Variants in ATRNL1 observed in about 807,000 individuals in gnomAD.
ATRNL1 encodes the protein attractin like 1, also known as attractin-like protein 1.
In ATRNL1, 95 loss-of-function variants were observed where a neutral mutation model predicts 182.7. The ratio of observed to expected loss-of-function variants is 0.52; its 90% CI spans 0.44 to 0.62. The LOEUF (loss-of-function observed/expected upper bound fraction) is 0.62, where lower values mean the gene tolerates loss of function less well. Among genes scored for constraint, ATRNL1 ranks in the 20% least tolerant of loss-of-function variants. The pLI is 0.00. For missense variants in ATRNL1, 1,471 were observed against 1,679.5 expected, an observed-to-expected ratio of 0.88 and a Z score of 2.17; for synonymous variants, 576 against 568.3, an observed-to-expected ratio of 1.01 and a Z score of -0.19.
chr10:115,338,014 G>A (rs1174320733), intron 19 of ATRNL1, among the ~76,000 whole-genome samples: 15 of 151,740 alleles, frequency 9.9e-5, no homozygotes, highest in African/African-American at 3.7e-4. Context: ...TGCCACCACA[G>A]ATCTGACAGG....
chr10:115,790,072 A>G (rs1159515979), intron 27 of ATRNL1, among the ~76,000 whole-genome samples: 2 of 152,112 alleles, frequency 1.3e-5, no homozygotes, highest in Non-Finnish European at 2.9e-5. Flanking sequence ...TAAATATTCT[A>G]TGCTTTTATT....
At chr10:115,280,073 T>A (rs550482689) in intron 13 of ATRNL1, among the ~76,000 whole-genome samples, 1 of 152,298 alleles carries the variant, frequency 6.6e-6, no homozygotes, top group African/African-American at 2.4e-5. Flanking sequence ...TACAAACTGT[T>A]GAATTACCTT....
At chr10:115,229,746 A>G (rs1265025478) in intron 9 of ATRNL1, among the ~76,000 whole-genome samples, 1 of 152,116 alleles carries the variant, frequency 6.6e-6, no homozygotes, top group Non-Finnish European at 1.5e-5. Flanking sequence ...CCATATTGAT[A>G]ATTTAAATAA....
intron 5 of ATRNL1, among the ~76,000 whole-genome samples, chr10:115,132,293 G>T (rs558338053): frequency 6.6e-6 from 1 of 152,124 alleles, no homozygotes; most frequent in African/African-American, 2.4e-5. Context: ...GTATTCCATG[G>T]TGTATTTGTG....
intron 26 of ATRNL1, among the ~76,000 whole-genome samples, chr10:115,651,791 A>G (rs1860023202): frequency 1.3e-5 from 2 of 152,140 alleles, no homozygotes; most frequent in Non-Finnish European, 2.9e-5. Context: ...TTAATTATGT[A>G]TTTCGAAGTT....
intron 26 of ATRNL1, among the ~76,000 whole-genome samples, chr10:115,598,957 G>A (rs1335277733): frequency 6.6e-6 from 1 of 152,152 alleles, no homozygotes; most frequent in Non-Finnish European, 1.5e-5. Context: ...TTGACAACTG[G>A]TAATTTCTTG....
chr10:115,498,886 A>C (rs909764560), intron 24 of ATRNL1, among the ~76,000 whole-genome samples: 3 of 152,078 alleles, frequency 2.0e-5, no homozygotes, highest in Non-Finnish European at 4.4e-5. Context: ...ACATAACCCA[A>C]ATTTCTAAAG....
At chr10:115,247,447 T>C (rs1485923988) in intron 10 of ATRNL1, among the ~76,000 whole-genome samples, 14 of 152,144 alleles carry the variant, frequency 9.2e-5, no homozygotes, top group Non-Finnish European at 7.4e-5. Context: ...TCAGTATTCA[T>C]CAGGGAAATA....
intron 26 of ATRNL1, among the ~76,000 whole-genome samples, chr10:115,725,343 A>G (rs1947561903): frequency 6.6e-6 from 1 of 152,104 alleles, no homozygotes; most frequent in Admixed American, 6.5e-5. Context: ...ATGGAACTCT[A>G]TTTTTTGTCA....
At chr10:115,321,440 T>C (rs1854579197) in intron 18 of ATRNL1, among the ~76,000 whole-genome samples, 1 of 152,192 alleles carries the variant, frequency 6.6e-6, no homozygotes, top group Admixed American at 6.5e-5. Context: ...TTATTGTTTA[T>C]CATTGTGGTT....
chr10:115,302,102 G>A, intron 17 of ATRNL1, 59 bp downstream of exon 17: 2 of 1,375,334 alleles, frequency 1.5e-6, no homozygotes, highest in East Asian at 2.5e-5. Context: ...ACTTTTCTGT[G>A]ATGTAAAGAA....
intron 28 of ATRNL1, among the ~76,000 whole-genome samples, chr10:115,861,679 A>AT (rs1951319866): frequency 6.6e-6 from 1 of 151,858 alleles, no homozygotes; most frequent in Non-Finnish European, 1.5e-5. Flanking sequence ...GCAATACATG[A>AT]TTTTTTCTAT....
intron 27 of ATRNL1, among the ~76,000 whole-genome samples, chr10:115,810,481 G>A (rs544053375): frequency 2.0e-5 from 3 of 151,990 alleles, no homozygotes; most frequent in African/African-American, 4.8e-5. Context: ...GAACTTGATG[G>A]TTTTTATTTG....
intron 28 of ATRNL1, among the ~76,000 whole-genome samples, chr10:115,896,777 T>C (rs1952219232): frequency 1.3e-5 from 2 of 152,172 alleles, no homozygotes; most frequent in African/African-American, 4.8e-5. Flanking sequence ...CTGGAAGCTG[T>C]TCAAAAAATA....
chr10:115,661,148 A>C (rs1233318227), intron 26 of ATRNL1, among the ~76,000 whole-genome samples: 3 of 152,110 alleles, frequency 2.0e-5, no homozygotes, highest in Non-Finnish European at 4.4e-5. Context: ...TTTTAGTTTT[A>C]GGAAAAAGGA....
rs531429588 is a variant in ATRNL1 at position 115,945,188 on chromosome 10, C to T, written c.*409C>T. The T allele has an allele frequency of 1.8e-4, 28 of 153,826 alleles. No homozygotes were observed. The highest frequency in any genetic ancestry group is 6.7e-4 in the African/African-American group (28 of 41,582). 9.5% of individuals were successfully genotyped at this position (153,826 alleles called of 1,614,324 possible). A position where few individuals can be genotyped will look rare whatever the true frequency, so the allele number is the denominator to read the frequency against. On this transcript the variant is annotated 3_prime_UTR_variant, in exon 29 of 29. Coordinates refer to ENST00000355044, the MANE Select transcript of ATRNL1 (RefSeq NM_207303.4). ...TGCCTCATAAGCAAACTTGAATCAC[C>T]TGTGTATGAACAGGGAATGAACACA...
intron 26 of ATRNL1, among the ~76,000 whole-genome samples, chr10:115,709,402 T>C (rs901342658): frequency 2.0e-5 from 3 of 151,972 alleles, no homozygotes; most frequent in Non-Finnish European, 4.4e-5. Context: ...GAGCAAAGTT[T>C]ATGTCAAGTA....
chr10:115,864,324 G>A (rs1951385235), intron 28 of ATRNL1, among the ~76,000 whole-genome samples: 1 of 151,108 alleles, frequency 6.6e-6, no homozygotes, highest in Non-Finnish European at 1.5e-5. Context: ...TCTTATAGTA[G>A]AATTCTAATT....
intron 28 of ATRNL1, among the ~76,000 whole-genome samples, chr10:115,899,305 T>C (rs371667338): frequency 6.6e-6 from 1 of 152,088 alleles, no homozygotes; most frequent in Non-Finnish European, 1.5e-5. Flanking sequence ...TCCCTATTTT[T>C]TTGTTGTTGT....
Sources: allele counts gnomAD v4.1 joint callset (sites outside exome capture counted in the v4.1 genomes callset), GRCh38; gene constraint gnomAD v4.1.1; transcripts MANE v1.5; gene names NCBI Gene and HGNC (gene_info 2026-07-23, HGNC 2026-07-21).